The following SORCS1 variants were observed in gnomAD, a reference collection of about 807,000 sequenced individuals.
The protein encoded by SORCS1 is sortilin related VPS10 domain containing receptor 1.
In SORCS1, 60 loss-of-function variants were observed where a neutral mutation model predicts 146.1. The observed-to-expected ratio is 0.41, with a 90% CI of 0.33 to 0.51. The LOEUF is 0.51. Among genes scored for constraint, SORCS1 ranks in the 20% least tolerant of loss-of-function variants. SORCS1 has a pLI of 0.21. For missense variants in SORCS1, 1,352 were observed against 1,487.6 expected (o/e 0.91, Z 1.50); for synonymous variants, 637 against 584.0 (o/e 1.09, Z -1.31).
At chr10:106,954,773 TCCC>T (rs1954854378) in intron 2 of SORCS1, among the ~76,000 whole-genome samples, 1 of 150,986 alleles carries the variant, frequency 6.6e-6, no homozygotes, top group Admixed American at 6.6e-5. Context: ...GGCCTGCACC[TCCC>T]CCATTTTGAG....
At chr10:106,995,805 T>G (rs1177852784) in intron 1 of SORCS1, among the ~76,000 whole-genome samples, 1 of 152,012 alleles carries the variant, frequency 6.6e-6, no homozygotes, top group Non-Finnish European at 1.5e-5. Flanking sequence ...AACAAAATCA[T>G]GATTTTCATA....
At chr10:106,643,941 A>G (rs928846205) in intron 18 of SORCS1, among the ~76,000 whole-genome samples, 1 of 152,212 alleles carries the variant, frequency 6.6e-6, no homozygotes, top group Admixed American at 6.5e-5. Context: ...ACTCTGCTAT[A>G]GTATAAACAT....
At chr10:107,175,525 C>T in the SORCS1 span, among the ~76,000 whole-genome samples, 1 of 152,180 alleles carries the variant, frequency 6.6e-6, no homozygotes, top group Non-Finnish European at 1.5e-5. Flanking sequence ...GCAACCTCTG[C>T]CTCCCAGGTT....
At chr10:106,826,739 T>C (rs60680203) in intron 3 of SORCS1, among the ~76,000 whole-genome samples, 4,659 of 152,286 alleles carry the variant, frequency 0.031, 219 homozygotes, top group African/African-American at 0.1. Flanking sequence ...AAAGTGACCA[T>C]GAAGGCCTCA....
chr10:107,033,644 TAG>T (rs1425572527), intron 1 of SORCS1, among the ~76,000 whole-genome samples: 1 of 152,192 alleles, frequency 6.6e-6, no homozygotes, highest in Non-Finnish European at 1.5e-5. Flanking sequence ...TTCAATAAGA[TAG>T]AGATTCCCTT....
intron 2 of SORCS1, among the ~76,000 whole-genome samples, chr10:106,842,110 T>G (rs769810069): frequency 3.3e-5 from 5 of 152,224 alleles, no homozygotes; most frequent in Non-Finnish European, 5.9e-5. Context: ...TTTTAGATTT[T>G]GCCCATTTTA....
intron 5 of SORCS1, among the ~76,000 whole-genome samples, chr10:106,740,013 C>CATCTCTT (rs1334434862): frequency 4.0e-5 from 6 of 151,828 alleles, no homozygotes; most frequent in Admixed American, 3.9e-4. Flanking sequence ...AACCTGACCC[C>CATCTCTT]ATGGAAATGA....
At chr10:106,686,127 T>C (rs1160760338) in intron 10 of SORCS1, among the ~76,000 whole-genome samples, 2 of 152,184 alleles carry the variant, frequency 1.3e-5, no homozygotes, top group Non-Finnish European at 2.9e-5. Flanking sequence ...AATGGTCCCA[T>C]TGGCTGCTGT....
At chr10:106,736,262 G>C (rs1856936549) in intron 5 of SORCS1, among the ~76,000 whole-genome samples, 1 of 152,204 alleles carries the variant, frequency 6.6e-6, no homozygotes, top group Non-Finnish European at 1.5e-5. Context: ...TCCTGATGTA[G>C]ATAACCGCAG....
chr10:106,856,805 G>T (rs2137365235), intron 2 of SORCS1, among the ~76,000 whole-genome samples: 1 of 152,284 alleles, frequency 6.6e-6, no homozygotes, highest in South Asian at 2.1e-4. Flanking sequence ...ACTTAGCACT[G>T]GTTCCTGTGG....
At chr10:106,814,700 G>C (rs1174358852) in intron 3 of SORCS1, among the ~76,000 whole-genome samples, 1 of 151,946 alleles carries the variant, frequency 6.6e-6, no homozygotes, top group Non-Finnish European at 1.5e-5. Flanking sequence ...GGATCACGAG[G>C]TCAGGAGATC....
At chr10:107,111,734 C>G (rs1409133217) in intron 1 of SORCS1, among the ~76,000 whole-genome samples, 2 of 151,974 alleles carry the variant, frequency 1.3e-5, no homozygotes, top group Non-Finnish European at 2.9e-5. Flanking sequence ...TTTAAAGGAT[C>G]CCAACTAAGA....
chr10:106,836,458 G>C (rs1389590460), intron 2 of SORCS1, among the ~76,000 whole-genome samples: 1 of 138,114 alleles, frequency 7.2e-6, no homozygotes, highest in Non-Finnish European at 1.5e-5. Flanking sequence ...CTGGGCGATA[G>C]AGCGAGACTC....
At chr10:106,844,715 A>G (rs867585501) in intron 2 of SORCS1, among the ~76,000 whole-genome samples, 7 of 134,338 alleles carry the variant, frequency 5.2e-5, no homozygotes, top group East Asian at 2.4e-4. Context: ...ATATCTCCCA[A>G]TGCTATCCCT....
At chr10:106,621,952 G>A (rs906827270) in intron 19 of SORCS1, among the ~76,000 whole-genome samples, 5 of 152,046 alleles carry the variant, frequency 3.3e-5, no homozygotes, top group Admixed American at 1.3e-4. Context: ...TCTAGAAAGC[G>A]AAGCTGATCA....
intron 1 of SORCS1, among the ~76,000 whole-genome samples, chr10:107,138,257 G>C (rs1967502960): frequency 6.6e-6 from 1 of 151,966 alleles, no homozygotes; most frequent in African/African-American, 2.4e-5. Flanking sequence ...ACTTTCCTTA[G>C]TTCATTCTTT....
chr10:106,824,957 T>C (rs1436843948), intron 3 of SORCS1, among the ~76,000 whole-genome samples: 1 of 152,180 alleles, frequency 6.6e-6, no homozygotes, highest in Non-Finnish European at 1.5e-5. Context: ...AAATACTGTC[T>C]AGTTTTTTCT....
At position 106,989,278 on chromosome 10, in the gene SORCS1, A is replaced by G. The variant is rs968935719; in HGVS notation, c.559-32698T>C. Among the ~76,000 whole-genome samples, 76 of 92,442 alleles carry G rather than the reference A, an allele frequency of 8.2e-4. 1 individual carries two copies. Among genetic ancestry groups the G allele is most frequent in the Non-Finnish European group, 1.5e-3 (52 of 33,616 alleles). 60.6% of individuals were successfully genotyped at this position (92,442 alleles called of 152,430 possible). ...GTGAAAGGCTCCACCTCAGAAAAAA[A>G]AAAAAAAAAAAAAAAAAAAGAATAC... On this transcript the variant is annotated intron_variant, in intron 1 of 25. Transcript: ENST00000263054.
intron 2 of SORCS1, among the ~76,000 whole-genome samples, chr10:106,869,078 C>G (rs2137548833): frequency 6.6e-6 from 1 of 152,196 alleles, no homozygotes; most frequent in South Asian, 2.1e-4. Context: ...TGTATACAAA[C>G]TAGAAATCCT....
Sources: allele counts gnomAD v4.1 joint callset (sites outside exome capture counted in the v4.1 genomes callset), GRCh38; gene constraint gnomAD v4.1.1; transcripts MANE v1.5; gene names NCBI Gene and HGNC (gene_info 2026-07-23, HGNC 2026-07-21).